Variants in PEX3 observed in about 807,000 individuals in gnomAD.
PEX3 encodes the protein peroxin-3.
Under a neutral mutation model 55.8 loss-of-function variants are expected in PEX3, and 30 were observed. That is an observed-to-expected ratio of 0.54 (90% CI 0.40 to 0.73). The LOEUF (loss-of-function observed/expected upper bound fraction) is 0.73. Ranked by LOEUF, PEX3 falls within the 30% of genes least tolerant of loss-of-function variation. PEX3 has a pLI of 0.00. For missense variants in PEX3, 351 were observed against 432.8 expected (o/e 0.81, Z 1.68); for synonymous variants, 135 against 148.4 (o/e 0.91, Z 0.66).
chr6:143,456,040 T>C (rs958485746), intron 1 of PEX3, among the ~76,000 whole-genome samples: 1 of 152,230 alleles, frequency 6.6e-6, no homozygotes, highest in African/African-American at 2.4e-5. Context: ...ATGTTATTAA[T>C]GGAAAACTCA....
chr6:143,473,377 C>T (rs560584264), intron 8 of PEX3, among the ~76,000 whole-genome samples: 124 of 152,154 alleles, frequency 8.1e-4, no homozygotes, highest in African/African-American at 2.1e-3. Context: ...CTCAAGGAGA[C>T]GCAATAAGAG....
At chr6:143,467,415 A>G (rs1780007417) in intron 3 of PEX3, among the ~76,000 whole-genome samples, 1 of 152,134 alleles carries the variant, frequency 6.6e-6, no homozygotes, top group Admixed American at 6.6e-5. Context: ...AGTTCACTGA[A>G]AAAATCTTAG....
rs1780344250 is a variant in PEX3, at chr6:143,488,197, T to C, written c.1039-946T>C. 2.0e-5 allele frequency among the ~76,000 whole-genome samples: 3 copies of C among 152,076 alleles called. No individual in the cohort carries two copies. In the South Asian group the frequency reaches 6.2e-4, roughly 31 times the overall value. ...AAACCTCACTTGGATTTTCCGATAC[T>C]TAAGAAACAGAGATCACTAGGGACA... is the stretch of plus-strand genomic sequence containing the variant. On this transcript the variant is annotated intron_variant, in intron 11 of 11. Transcript: ENST00000367591. The surrounding 1 kb of genome is among the most constrained non-coding windows in gnomAD (Gnocchi z 4.9).
chr6:143,469,919 T>A (rs1780047161), intron 4 of PEX3, among the ~76,000 whole-genome samples: 1 of 152,144 alleles, frequency 6.6e-6, no homozygotes, highest in South Asian at 2.1e-4. Context: ...CCTTTCTAGT[T>A]CCCTGTAGTT....
chr6:143,459,417 T>TA lies in PEX3; in HGVS notation c.205+202dup, dbSNP rs1779889818. 6.6e-6 allele frequency among the ~76,000 whole-genome samples: 1 copy of TA among 152,184 alleles called. No homozygotes were observed. Among genetic ancestry groups the TA allele is most frequent in the Admixed American group, 6.5e-5 (1 of 15,286 alleles). On this transcript the variant is annotated intron_variant, in intron 2 of 11. Transcript: ENST00000367591. The surrounding 1 kb of genome is among the most constrained non-coding windows in gnomAD (Gnocchi z 4.2). ...TCATTTTATTTATTCATTTAGCAAA[T>TA]ACTTGTATCCAGGCCTGGGGAAGCA...
At chr6:143,468,241 G>A in intron 4 of PEX3, 76 bp downstream of exon 4, 1 of 977,248 alleles carries the variant, frequency 1.0e-6, no homozygotes, top group South Asian at 1.4e-5. Context: ...CTATTAGGAT[G>A]ACTCTTCTTT....
At chr6:143,470,313 G>A (rs1410524182) in intron 4 of PEX3, among the ~76,000 whole-genome samples, 5 of 151,952 alleles carry the variant, frequency 3.3e-5, no homozygotes, top group East Asian at 1.9e-4. Context: ...ACTCCCTCAC[G>A]CTTTGATGTA....
Position 143,462,322 on chromosome 6 carries a change from TACAA to T in PEX3, c.206-590_206-587del, listed in dbSNP as rs1325036129. Among the ~76,000 whole-genome samples, 4 of 152,188 alleles carry T rather than the reference TACAA, an allele frequency of 2.6e-5. No homozygotes were observed. The highest frequency in any genetic ancestry group is 2.6e-4 in the Admixed American group (4 of 15,276). ...ATAAATGTTTATTGCTTTGTAGTAT[TACAA>T]ACAGTAAACATGTACAATAAACAGT... On this transcript the variant is annotated intron_variant, in intron 2 of 11. Coordinates refer to ENST00000367591, the MANE Select transcript of PEX3 (RefSeq NM_003630.3). The surrounding 1 kb of genome is among the most constrained non-coding windows in gnomAD (Gnocchi z 4.1).
At chr6:143,467,025 A>G (rs1275193709) in intron 3 of PEX3, among the ~76,000 whole-genome samples, 1 of 152,066 alleles carries the variant, frequency 6.6e-6, no homozygotes, top group Non-Finnish European at 1.5e-5. Flanking sequence ...TCTTGTTGGT[A>G]GTGTAACTAC....
In PEX3 at chr6:143,463,582, G is replaced by C. The variant is rs1584005841; in HGVS notation, c.287+585G>C. 6.8e-6 allele frequency among the ~76,000 whole-genome samples: 1 copy of C among 146,732 alleles called. No individual in the cohort carries two copies. Among genetic ancestry groups the C allele is most frequent in the Non-Finnish European group, 1.5e-5 (1 of 66,488 alleles). On this transcript the variant is annotated intron_variant, in intron 3 of 11. Coordinates refer to ENST00000367591, the MANE Select transcript of PEX3 (RefSeq NM_003630.3). The surrounding 1 kb of genome is among the most constrained non-coding windows in gnomAD (Gnocchi z 5.7). Reference sequence around the variant, plus strand: ...GGGTATTGTAATTTGGTATGATACTGTATTAGTTTGAGAAGACTTCCAGCA... The same window carrying C: ...GGGTATTGTAATTTGGTATGATACTCTATTAGTTTGAGAAGACTTCCAGCA...
At position 143,463,134 on chromosome 6, in the gene PEX3, C is replaced by G; in HGVS notation, c.287+137C>G. On this transcript the variant is annotated intron_variant, in intron 3 of 11. Coordinates refer to ENST00000367591, the MANE Select transcript of PEX3 (RefSeq NM_003630.3). The surrounding 1 kb of genome is among the most constrained non-coding windows in gnomAD (Gnocchi z 5.7). ...ATAGGCTCAGTAAGAAAAATACTAA[C>G]TATATCATTTAACCTACATTTAATT... The G allele has an allele frequency of 2.9e-6, 2 of 681,134 alleles. No individual in the cohort carries two copies. Among genetic ancestry groups the G allele is most frequent in the Non-Finnish European group, 2.6e-6 (1 of 379,764 alleles). 42.2% of individuals were successfully genotyped at this position (681,134 alleles called of 1,614,324 possible).
In PEX3 at chr6:143,459,247, A is replaced by T; in HGVS notation, c.205+31A>T. On this transcript the variant is annotated intron_variant, in intron 2 of 11. Coordinates refer to ENST00000367591, the MANE Select transcript of PEX3 (RefSeq NM_003630.3). This position sits in a 1 kb window ranked among gnomAD's most constrained non-coding sequence, Gnocchi z 4.2. ...ACAGAGAAATATTTATACATGTGTA[A>T]AGTTGTTTGACGGTTGTATTAATTT... 7 of 1,594,904 alleles carry T rather than the reference A, an allele frequency of 4.4e-6. No homozygotes were observed. The highest frequency in any genetic ancestry group is 6.0e-6 in the Non-Finnish European group (7 of 1,163,244).
At position 143,467,126 on chromosome 6, in the gene PEX3, A is replaced by G. The variant is rs535534475; in HGVS notation, c.288-996A>G. On this transcript the variant is annotated intron_variant, in intron 3 of 11. Coordinates refer to ENST00000367591, the MANE Select transcript of PEX3 (RefSeq NM_003630.3). ...TACTCTTCACACACAAAGAATTGGA[A>G]AAACAGAAACCTTAAACTCTTTTAC... is the stretch of plus-strand genomic sequence containing the variant. Among the ~76,000 whole-genome samples the G allele has an allele frequency of 9.2e-5, 14 of 152,146 alleles. 1 individual carries two copies. Among genetic ancestry groups the G allele is most frequent in the Middle Eastern group, 6.8e-3 (2 of 294 alleles).
rs2128747865 is a variant in PEX3 at position 143,483,420 on chromosome 6, A to G, written c.942-1732A>G. Among the ~76,000 whole-genome samples, 1 of 152,318 alleles carries G rather than the reference A, an allele frequency of 6.6e-6. No homozygotes were observed. The highest frequency in any genetic ancestry group is 1.5e-5 in the Non-Finnish European group (1 of 68,016). ...ATTTGAACTACTAAGATTGGAAGCT[A>G]TTAAATATGACCCTAGACTACAGTG... On this transcript the variant is annotated intron_variant, in intron 10 of 11. Transcript: ENST00000367591. This position sits in a 1 kb window ranked among gnomAD's most constrained non-coding sequence, Gnocchi z 4.3.
chr6:143,481,134 A>G (rs1049372753), intron 10 of PEX3, among the ~76,000 whole-genome samples: 1 of 129,262 alleles, frequency 7.7e-6, no homozygotes, highest in African/African-American at 3.3e-5. Context: ...AGGTAAACTA[A>G]TAAAGGCTTT....
rs1779877890 is a variant in PEX3 at position 143,458,620 on chromosome 6, G to T, written c.74-465G>T. Among the ~76,000 whole-genome samples the T allele has an allele frequency of 6.6e-6, 1 of 151,800 alleles. No individual in the cohort carries two copies. The highest frequency in any genetic ancestry group is 2.1e-4 in the South Asian group (1 of 4,828). ...AGAAATTAAAACTCACCTATTTTTT[G>T]TATCTGTTTCCATTAAAAAAAGTAA... On this transcript the variant is annotated intron_variant, in intron 1 of 11. Transcript: ENST00000367591. The surrounding 1 kb of genome is among the most constrained non-coding windows in gnomAD (Gnocchi z 6.1).
rs1005718766 is a variant in PEX3 at position 143,479,755 on chromosome 6, A to G, written c.941+557A>G. ...ATAACTATTACTAAATCATGGACTT[A>G]TGTATGCCATAAGGTATCTTACGGT... On this transcript the variant is annotated intron_variant, in intron 10 of 11. Transcript: ENST00000367591. This position sits in a 1 kb window ranked among gnomAD's most constrained non-coding sequence, Gnocchi z 4.6. Among the ~76,000 whole-genome samples the G allele has an allele frequency of 1.3e-5, 2 of 152,098 alleles. No homozygotes were observed. The highest frequency in any genetic ancestry group is 3.8e-4 in the East Asian group (2 of 5,202).
At position 143,463,780 on chromosome 6, in the gene PEX3, C is replaced by T. The variant is rs1404187076; in HGVS notation, c.287+783C>T. 6.6e-6 allele frequency among the ~76,000 whole-genome samples: 1 copy of T among 152,190 alleles called. No homozygotes were observed. The highest frequency in any genetic ancestry group is 1.5e-5 in the Non-Finnish European group (1 of 68,016). Reference sequence around the variant, plus strand: ...TCTAAACTGTCTCACTGTGCTAGCCCTGGTGCTAGGTACCTTCCATATATG... The same window carrying T: ...TCTAAACTGTCTCACTGTGCTAGCCTTGGTGCTAGGTACCTTCCATATATG... On this transcript the variant is annotated intron_variant, in intron 3 of 11. Transcript: ENST00000367591. This position sits in a 1 kb window ranked among gnomAD's most constrained non-coding sequence, Gnocchi z 5.7.
chr6:143,471,162 A>G lies in PEX3; in HGVS notation c.456+77A>G. 1.6e-6 allele frequency: 2 copies of G among 1,247,310 alleles called. No individual in the cohort carries two copies. The highest frequency in any genetic ancestry group is 2.5e-5 in the South Asian group (2 of 79,736). The allele number at this position is 1,247,310 out of a possible 1,614,324, so 77.3% of individuals were successfully genotyped here. A position where few individuals can be genotyped will look rare whatever the true frequency, so the allele number is the denominator to read the frequency against. ...AGTTTAACTTATTTATCCTGATAAC[A>G]ATTTCTATGAAATAAATATTTTTAT... On this transcript the variant is annotated intron_variant, in intron 5 of 11. Coordinates refer to ENST00000367591, the MANE Select transcript of PEX3 (RefSeq NM_003630.3). This position sits in a 1 kb window ranked among gnomAD's most constrained non-coding sequence, Gnocchi z 5.4.
Sources: allele counts gnomAD v4.1 joint callset (sites outside exome capture counted in the v4.1 genomes callset), GRCh38; gene constraint gnomAD v4.1.1; non-coding constraint Gnocchi (gnomAD v3.1); transcripts MANE v1.5; gene names NCBI Gene and HGNC (gene_info 2026-07-23, HGNC 2026-07-21).